Variants in CDH13 observed in about 807,000 individuals in gnomAD.
The protein encoded by CDH13 is cadherin-13.
Under a neutral mutation model 63.8 loss-of-function variants are expected in CDH13, and 24 were observed. The observed-to-expected ratio is 0.38, with a 90% CI of 0.27 to 0.53. CDH13 has a LOEUF of 0.53. Ranked by LOEUF, CDH13 falls within the 20% of genes least tolerant of loss-of-function variation. The pLI is 0.85. For missense variants in CDH13, 1,049 were observed against 903.1 expected (o/e 1.16, Z -2.07); for synonymous variants, 503 against 355.3 (o/e 1.42, Z -4.67).
At chr16:83,016,795 G>A (rs1282895618) in intron 2 of CDH13, among the ~76,000 whole-genome samples, 2 of 151,564 alleles carry the variant, frequency 1.3e-5, no homozygotes, top group Non-Finnish European at 2.9e-5. Context: ...GAAGGATGGG[G>A]TGTTTAAAAT....
At chr16:83,362,714 T>A (rs987515207) in intron 6 of CDH13, among the ~76,000 whole-genome samples, 3 of 152,242 alleles carry the variant, frequency 2.0e-5, no homozygotes, top group African/African-American at 4.8e-5. Flanking sequence ...GCATTTCCTC[T>A]GTCTCATTGT....
At chr16:83,392,635 T>C (rs534461120) in intron 6 of CDH13, among the ~76,000 whole-genome samples, 1 of 152,284 alleles carries the variant, frequency 6.6e-6, no homozygotes, top group South Asian at 2.1e-4. Flanking sequence ...CAAGCCCTCA[T>C]CTGGGACCAC....
intron 4 of CDH13, among the ~76,000 whole-genome samples, chr16:83,182,664 G>A (rs1217646682): frequency 6.6e-6 from 1 of 152,154 alleles, no homozygotes; most frequent in Non-Finnish European, 1.5e-5. Context: ...CATTTGTATA[G>A]TTCTTTGGGG....
intron 1 of CDH13, among the ~76,000 whole-genome samples, chr16:82,799,240 T>C (rs1394341980): frequency 6.6e-6 from 1 of 152,266 alleles, no homozygotes; most frequent in African/African-American, 2.4e-5. Flanking sequence ...TATTTTTTGT[T>C]GTACAGTTCA....
At chr16:82,680,415 G>C (rs116634745) in intron 1 of CDH13, among the ~76,000 whole-genome samples, 1,735 of 152,316 alleles carry the variant, frequency 0.011, 25 homozygotes, top group African/African-American at 0.035. Flanking sequence ...GGAGGTGCGG[G>C]TGTAAGATTT....
At chr16:83,068,814 A>AT (rs2032225903) in intron 3 of CDH13, among the ~76,000 whole-genome samples, 1 of 152,014 alleles carries the variant, frequency 6.6e-6, no homozygotes, top group South Asian at 2.1e-4. Context: ...CTGCTTGCCA[A>AT]TTTTTCTGCC....
chr16:83,295,027 A>G (rs745435808), intron 5 of CDH13, among the ~76,000 whole-genome samples: 3 of 152,208 alleles, frequency 2.0e-5, no homozygotes, highest in South Asian at 2.1e-4. Flanking sequence ...TGTTATAACA[A>G]CAGACACATA....
intron 1 of CDH13, among the ~76,000 whole-genome samples, chr16:82,810,372 G>A (rs2169451): frequency 6.6e-6 from 1 of 152,038 alleles, no homozygotes; most frequent in East Asian, 1.9e-4. Flanking sequence ...CTGTCAGCCA[G>A]GGAGAGGTAC....
At chr16:83,618,535 T>C (rs1354327739) in intron 8 of CDH13, among the ~76,000 whole-genome samples, 1 of 152,130 alleles carries the variant, frequency 6.6e-6, no homozygotes, top group Non-Finnish European at 1.5e-5. Context: ...AACCTCACTG[T>C]GGCACAAAAT....
At chr16:83,591,307 A>G (rs1185257127) in intron 7 of CDH13, among the ~76,000 whole-genome samples, 1 of 152,222 alleles carries the variant, frequency 6.6e-6, no homozygotes, top group Non-Finnish European at 1.5e-5. Context: ...AGGTCTAGAA[A>G]ACAAAAGCTA....
At chr16:83,037,385 G>C (rs1426215290) in intron 3 of CDH13, among the ~76,000 whole-genome samples, 1 of 152,176 alleles carries the variant, frequency 6.6e-6, no homozygotes, top group Non-Finnish European at 1.5e-5. Flanking sequence ...TTTGCTGCTA[G>C]AAGGCTGTGC....
At chr16:82,848,501 T>C (rs1415633544) in intron 1 of CDH13, among the ~76,000 whole-genome samples, 4 of 152,164 alleles carry the variant, frequency 2.6e-5, no homozygotes, top group Non-Finnish European at 4.4e-5. Context: ...GTTTCTTTCC[T>C]TTTTTTAAAT....
At chr16:83,389,523 C>G (rs184086559) in intron 6 of CDH13, among the ~76,000 whole-genome samples, 50 of 152,262 alleles carry the variant, frequency 3.3e-4, no homozygotes, top group African/African-American at 1.1e-3. Flanking sequence ...TATAAACAAG[C>G]ACATTCTTCT....
chr16:83,675,156 C>T (rs991578885), intron 9 of CDH13, among the ~76,000 whole-genome samples: 1 of 152,154 alleles, frequency 6.6e-6, no homozygotes, highest in Non-Finnish European at 1.5e-5. Flanking sequence ...CACAGAGGCC[C>T]AGCAACAGAC....
At chr16:83,106,608 T>C (rs1050046811) in intron 3 of CDH13, among the ~76,000 whole-genome samples, 4 of 152,302 alleles carry the variant, frequency 2.6e-5, no homozygotes, top group South Asian at 2.1e-4. Flanking sequence ...TTAATACATG[T>C]TGATACATCC....
At chr16:82,927,974 C>T (rs1464394969) in intron 2 of CDH13, among the ~76,000 whole-genome samples, 1 of 152,132 alleles carries the variant, frequency 6.6e-6, no homozygotes, top group Non-Finnish European at 1.5e-5. Context: ...ATATATGGTT[C>T]TAATAATAAT....
chr16:82,889,861 G>C (rs749509013), intron 2 of CDH13, among the ~76,000 whole-genome samples: 5 of 152,244 alleles, frequency 3.3e-5, no homozygotes, highest in Admixed American at 2.6e-4. Context: ...GGATTTTCGA[G>C]TGGGAAGACT....
At chr16:83,059,232 G>A (rs1410433081) in intron 3 of CDH13, among the ~76,000 whole-genome samples, 1 of 152,130 alleles carries the variant, frequency 6.6e-6, no homozygotes, top group African/African-American at 2.4e-5. Context: ...AATTCTCAGA[G>A]TCATCCACCT....
chr16:83,137,293 A>T (rs990420150), intron 4 of CDH13, among the ~76,000 whole-genome samples: 1 of 152,186 alleles, frequency 6.6e-6, no homozygotes, highest in Non-Finnish European at 1.5e-5. Flanking sequence ...TCTCCTTGGC[A>T]CAGAAAAATC....
Sources: allele counts gnomAD v4.1 joint callset (sites outside exome capture counted in the v4.1 genomes callset), GRCh38; gene constraint gnomAD v4.1.1; transcripts MANE v1.5; gene names NCBI Gene and HGNC (gene_info 2026-07-23, HGNC 2026-07-21).